The following PALLD variants were observed in gnomAD, a reference collection of about 807,000 sequenced individuals.
The protein encoded by PALLD is palladin.
Under a neutral mutation model 123.5 loss-of-function variants are expected in PALLD, and 61 were observed. That is an observed-to-expected ratio of 0.49 (90% CI 0.40 to 0.61). The LOEUF (loss-of-function observed/expected upper bound fraction) is 0.61, where lower values mean the gene tolerates loss of function less well. Among genes scored for constraint, PALLD ranks in the 20% least tolerant of loss-of-function variants. PALLD has a pLI of 0.00. For synonymous variants in PALLD, 465 were observed against 496.4 expected, an observed-to-expected ratio of 0.94 and a Z score of 0.84; for missense variants, 1,273 against 1,377.0, an observed-to-expected ratio of 0.92 and a Z score of 1.20.
Position 168,756,755 on chromosome 4 carries a change from G to A in PALLD, c.1964+44832G>A, listed in dbSNP as rs558816027. 6.6e-5 allele frequency among the ~76,000 whole-genome samples: 10 copies of A among 152,232 alleles called. No homozygotes were observed. The South Asian group carries it at 1.0e-3, about 16-fold the overall frequency. ...AAGTAGGCAGCTCGAAATACAAATCGCAAAGATGTTGGACTCAAGCTATAA... is the reference window on the plus strand; with the variant it reads ...AAGTAGGCAGCTCGAAATACAAATCACAAAGATGTTGGACTCAAGCTATAA... On this transcript the variant is annotated intron_variant, in intron 10 of 21. Coordinates refer to ENST00000505667, the MANE Select transcript of PALLD (RefSeq NM_001166108.2).
rs762355888 is a variant in PALLD at position 168,511,981 on chromosome 4, A to G, written c.477A>G (p.Gln159=). The G allele has an allele frequency of 1.4e-5, 23 of 1,614,084 alleles. No individual in the cohort carries two copies. The highest frequency in any genetic ancestry group is 2.2e-5 in the South Asian group (2 of 91,090). Residue 159 remains glutamine (Q), a synonymous_variant, in exon 2 of 22, where the codon CAA becomes CAG. Transcript: ENST00000505667. The stretch of plus-strand genomic sequence containing the variant: ...ACGTAAAGCCCAAAACGCCACATCA[A>G]AGAAAGGGTGGCCCCCAGAGCCAGC... ...STNVKPKTPH[Q]RKGGPQSQLC...
At chr4:168,815,695 A>G (rs1029379089) in intron 10 of PALLD, among the ~76,000 whole-genome samples, 8 of 152,188 alleles carry the variant, frequency 5.3e-5, no homozygotes, top group African/African-American at 1.9e-4. Flanking sequence ...CGGATAGCCC[A>G]ATGCCTGCCC....
intron 10 of PALLD, among the ~76,000 whole-genome samples, chr4:168,865,628 T>G (rs1266337050): frequency 6.6e-6 from 1 of 152,216 alleles, no homozygotes; most frequent in Non-Finnish European, 1.5e-5. Flanking sequence ...AAAAGTCGTC[T>G]TTATAGTGTT....
intron 8 of PALLD, among the ~76,000 whole-genome samples, chr4:168,695,395 G>A (rs1783043446): frequency 6.6e-6 from 1 of 152,186 alleles, no homozygotes; most frequent in Non-Finnish European, 1.5e-5. Context: ...GAGTGTGACA[G>A]GATGCCCTGG....
intron 15 of PALLD, among the ~76,000 whole-genome samples, chr4:168,913,136 C>CTT (rs33986728): frequency 5.0e-5 from 6 of 119,008 alleles, no homozygotes; most frequent in African/African-American, 1.1e-4. Flanking sequence ...ATGCCACTAA[C>CTT]TTTTTTTTTT....
intron 10 of PALLD, chr4:168,877,771 G>C: frequency 8.4e-7 from 1 of 1,195,128 alleles, no homozygotes; most frequent in Non-Finnish European, 1.0e-6. Context: ...GACTGGAGCA[G>C]GAGGCCGGCG....
intron 2 of PALLD, among the ~76,000 whole-genome samples, chr4:168,539,019 G>T (rs1385946327): frequency 2.0e-5 from 3 of 152,192 alleles, no homozygotes; most frequent in African/African-American, 7.2e-5. Flanking sequence ...CACAGATTTA[G>T]ATAAATGTAT....
At chr4:168,600,963 C>T (rs949552112) in intron 2 of PALLD, among the ~76,000 whole-genome samples, 4 of 152,098 alleles carry the variant, frequency 2.6e-5, no homozygotes, top group Admixed American at 6.5e-5. Context: ...GAGAGGGGAA[C>T]GTCCAGGCTT....
At chr4:168,777,973 G>A (rs1203830202) in intron 10 of PALLD, among the ~76,000 whole-genome samples, 2 of 152,164 alleles carry the variant, frequency 1.3e-5, no homozygotes, top group Non-Finnish European at 2.9e-5. Flanking sequence ...CCCAGAGGGG[G>A]CACCAGACTC....
intron 10 of PALLD, among the ~76,000 whole-genome samples, chr4:168,839,048 G>A (rs1009781784): frequency 1.3e-5 from 2 of 152,094 alleles, no homozygotes; most frequent in Non-Finnish European, 2.9e-5. Flanking sequence ...GACATCCTGG[G>A]CTCAAGTGAT....
intron 6 of PALLD, among the ~76,000 whole-genome samples, chr4:168,689,432 CTTTTTTTTTTTTT>C (rs70961551): frequency 0.043 from 2,163 of 49,744 alleles, 32 homozygotes; most frequent in Non-Finnish European, 0.062. Flanking sequence ...ATCCAATATT[CTTTTTTTTTTTTT>C]TTTTTTTTTT....
At chr4:168,905,245 C>A (rs550115769) in intron 15 of PALLD, among the ~76,000 whole-genome samples, 1 of 140,364 alleles carries the variant, frequency 7.1e-6, no homozygotes, top group Non-Finnish European at 1.5e-5. Context: ...CCGCCTCCTG[C>A]GTTCACACCA....
intron 2 of PALLD, among the ~76,000 whole-genome samples, chr4:168,583,657 A>G (rs1007266786): frequency 1.3e-5 from 2 of 152,206 alleles, no homozygotes; most frequent in African/African-American, 4.8e-5. Flanking sequence ...ACTTCACTTG[A>G]AAAGAATATT....
chr4:168,883,783 G>T (rs576036247), intron 10 of PALLD, among the ~76,000 whole-genome samples: 1 of 152,290 alleles, frequency 6.6e-6, no homozygotes, highest in East Asian at 1.9e-4. Flanking sequence ...TTTTTGTACA[G>T]TTGGGCTGAG....
intron 10 of PALLD, among the ~76,000 whole-genome samples, chr4:168,795,029 C>G (rs900925234): frequency 6.6e-6 from 1 of 152,182 alleles, no homozygotes; most frequent in Non-Finnish European, 1.5e-5. Context: ...AGGCTGGCCT[C>G]TCACTGTGTG....
intron 10 of PALLD, chr4:168,828,787 A>C (rs1300518899): frequency 6.6e-6 from 1 of 152,264 alleles, no homozygotes; most frequent in Non-Finnish European, 1.5e-5. Flanking sequence ...AAGCCTGTGA[A>C]GGTAAAGCCA....
At chr4:168,895,711 C>G (rs1019503723) in intron 12 of PALLD, among the ~76,000 whole-genome samples, 2 of 152,048 alleles carry the variant, frequency 1.3e-5, no homozygotes, top group African/African-American at 4.8e-5. Context: ...GTTGCAGAAG[C>G]GGAAGAAAAT....
chr4:168,567,749 T>G (rs906732718), intron 2 of PALLD, among the ~76,000 whole-genome samples: 1 of 151,818 alleles, frequency 6.6e-6, no homozygotes, highest in Admixed American at 6.6e-5. Flanking sequence ...CTAAACAATC[T>G]GTACACATGG....
intron 10 of PALLD, 87 bp from the exon 11 acceptor site, chr4:168,890,835 T>C: frequency 2.3e-6 from 3 of 1,331,880 alleles, no homozygotes; most frequent in East Asian, 2.3e-5. Context: ...TGCTGATACC[T>C]TGCACTGTCT....
Sources: allele counts gnomAD v4.1 joint callset (sites outside exome capture counted in the v4.1 genomes callset), GRCh38; gene constraint gnomAD v4.1.1; transcripts MANE v1.5; gene names NCBI Gene and HGNC (gene_info 2026-07-23, HGNC 2026-07-21).